Variants in DCP1B observed in about 807,000 individuals in gnomAD.
The protein encoded by DCP1B is mRNA-decapping enzyme 1B.
Under a neutral mutation model 60.5 loss-of-function variants are expected in DCP1B, and 47 were observed. The observed-to-expected ratio is 0.78, with a 90% CI of 0.61 to 0.99. DCP1B has a LOEUF of 0.99. Among genes scored for constraint, DCP1B ranks in the 50% least tolerant of loss-of-function variants. The pLI is 0.00. For missense variants in DCP1B, 725 were observed against 756.8 expected (o/e 0.96, Z 0.49); for synonymous variants, 267 against 280.3 (o/e 0.95, Z 0.47).
intron 2 of DCP1B, among the ~76,000 whole-genome samples, chr12:1,995,007 G>T (rs1272198051): frequency 6.6e-6 from 1 of 150,414 alleles, no homozygotes; most frequent in Non-Finnish European, 1.5e-5. Context: ...TTTTGCAGGG[G>T]ATAAGGGAGG....
At chr12:1,993,185 A>T in intron 3 of DCP1B, 79 bp downstream of exon 3, 1 of 1,599,234 alleles carries the variant, frequency 6.3e-7, no homozygotes. Flanking sequence ...ATGCAAACAC[A>T]ATGGCAAACA....
downstream of DCP1B, among the ~76,000 whole-genome samples, chr12:1,943,679 T>C (rs953090297): frequency 6.6e-6 from 1 of 152,106 alleles, no homozygotes; most frequent in Admixed American, 6.6e-5. Context: ...ACAGAACCAA[T>C]GACAAAAACC....
chr12:1,949,366 G>A (rs990246745), intron 7 of DCP1B, 32 bp from the exon 8 acceptor site: 1 of 1,605,208 alleles, frequency 6.2e-7, no homozygotes. Flanking sequence ...AGAGAGCGGG[G>A]TTCAGGAGCA....
At chr12:1,998,813 T>G (rs953816299) in intron 1 of DCP1B, among the ~76,000 whole-genome samples, 13 of 152,248 alleles carry the variant, frequency 8.5e-5, no homozygotes, top group Non-Finnish European at 2.9e-5. Context: ...GAATTTAAAA[T>G]GTACTTTTGC....
At chr12:1,942,046 TC>T (rs1394635180), downstream of DCP1B, among the ~76,000 whole-genome samples, 1 of 151,798 alleles carries the variant, frequency 6.6e-6, no homozygotes, top group Non-Finnish European at 1.5e-5. Flanking sequence ...AGGAGACCCA[TC>T]TCACGTGCAA....
intron 3 of DCP1B, among the ~76,000 whole-genome samples, chr12:1,985,712 T>A (rs541814660): frequency 2.0e-5 from 3 of 152,360 alleles, no homozygotes; most frequent in East Asian, 3.9e-4. Flanking sequence ...CCAGAGAATG[T>A]TCACTTTGTA....
chr12:1,958,148 A>T (rs1369978567), intron 5 of DCP1B, among the ~76,000 whole-genome samples: 2 of 112,438 alleles, frequency 1.8e-5, no homozygotes, highest in Non-Finnish European at 3.7e-5. Flanking sequence ...CTGGGCAATG[A>T]CTTTTTCTAT....
chr12:1,946,093 T>C lies in DCP1B; in HGVS notation c.*113A>G. 1 of 787,900 alleles carries C rather than the reference T, an allele frequency of 1.3e-6. No individual in the cohort carries two copies. The highest frequency in any genetic ancestry group is 1.9e-6 in the Non-Finnish European group (1 of 517,888). The allele number at this position is 787,900 out of a possible 1,614,324, so 48.8% of individuals were successfully genotyped here. A position where few individuals can be genotyped will look rare whatever the true frequency, so the allele number is the denominator to read the frequency against. The stretch of plus-strand genomic sequence containing the variant: ...GAAACATTTTACTTCATATTACACA[T>C]ACTTTTTTTTTAAAAAAGGCAGAAA... On this transcript the variant is annotated 3_prime_UTR_variant, in exon 9 of 9. Transcript: ENST00000280665.
intron 5 of DCP1B, among the ~76,000 whole-genome samples, chr12:1,957,854 CTTTACCCATATCATATATACTGAT>C: frequency 6.6e-6 from 1 of 152,370 alleles, no homozygotes; most frequent in Non-Finnish European, 1.5e-5. Flanking sequence ...ACAGACTTCA[CTTTACCCATATCATATATACTGAT>C]AGCTCAACAT....
chr12:1,979,380 T>A (rs986778382), intron 3 of DCP1B, among the ~76,000 whole-genome samples: 5 of 152,166 alleles, frequency 3.3e-5, no homozygotes, highest in Non-Finnish European at 1.5e-5. Flanking sequence ...AGTGGTGCCA[T>A]CTTGGCTCAC....
At chr12:1,972,899 C>T (rs1404067702) in intron 3 of DCP1B, among the ~76,000 whole-genome samples, 3 of 152,110 alleles carry the variant, frequency 2.0e-5, no homozygotes, top group Non-Finnish European at 2.9e-5. Context: ...CTGGTAGTGG[C>T]AGTGTTTTCA....
At chr12:1,946,862 G>A (rs1262066763) in intron 8 of DCP1B, among the ~76,000 whole-genome samples, 1 of 152,034 alleles carries the variant, frequency 6.6e-6, no homozygotes, top group African/African-American at 2.4e-5. Flanking sequence ...ACCATGCCTG[G>A]CTTTTAAGTT....
At chr12:1,970,779 C>A in intron 3 of DCP1B, 1 of 184,546 alleles carries the variant, frequency 5.4e-6, no homozygotes, top group Non-Finnish European at 1.1e-5. Context: ...CTGAGAGGCC[C>A]ATCCCTACAT....
intron 3 of DCP1B, among the ~76,000 whole-genome samples, chr12:1,984,327 C>CT (rs2037024833): frequency 6.6e-6 from 1 of 151,746 alleles, no homozygotes; most frequent in African/African-American, 2.4e-5. Context: ...TTCTTGTCTT[C>CT]TTTTGGGTTA....
chr12:1,952,364 G>C lies in DCP1B; in HGVS notation c.1524+52C>G. 4 of 1,486,932 alleles carry C rather than the reference G, an allele frequency of 2.7e-6. No homozygotes were observed. In the South Asian group the frequency reaches 4.3e-5, roughly 16 times the overall value. The allele number at this position is 1,486,932 out of a possible 1,614,324, so 92.1% of individuals were successfully genotyped here. On this transcript the variant is annotated intron_variant, in intron 7 of 8. Transcript: ENST00000280665. Reference sequence around the variant, plus strand: ...ACTTTTTTTTTTTTTTTAGGGACAGGATCTTGCTATGCTGCCCAGGCTGTT... The same window carrying C: ...ACTTTTTTTTTTTTTTTAGGGACAGCATCTTGCTATGCTGCCCAGGCTGTT...
chr12:1,970,552 T>C (rs577080575), intron 3 of DCP1B, among the ~76,000 whole-genome samples: 1 of 152,342 alleles, frequency 6.6e-6, no homozygotes, highest in Non-Finnish European at 1.5e-5. Flanking sequence ...GTGAATTCCA[T>C]GGAAGTATGC....
In DCP1B at chr12:2,000,663, C is replaced by G. The variant is rs2470442; in HGVS notation, c.151-2688G>C. Among the ~76,000 whole-genome samples the G allele has an allele frequency of 5.5e-3, 838 of 152,208 alleles. 7 individuals are homozygous for G. Among genetic ancestry groups the G allele is most frequent in the African/African-American group, 0.019 (781 of 41,532 alleles). On this transcript the variant is annotated intron_variant, in intron 1 of 8. Coordinates refer to ENST00000280665, the MANE Select transcript of DCP1B (RefSeq NM_152640.5). ...GGAGTTGTGTTTCAGTAATCACAAC[C>G]TGGGACCTGTAGTGGGGTTCTTGCC...
intron 3 of DCP1B, among the ~76,000 whole-genome samples, chr12:1,987,728 C>A (rs550384728): frequency 6.6e-6 from 1 of 152,340 alleles, no homozygotes; most frequent in South Asian, 2.1e-4. Context: ...GATACACACA[C>A]ATACAACCCC....
At chr12:1,992,766 A>G in intron 3 of DCP1B, 1 of 198,412 alleles carries the variant, frequency 5.0e-6, no homozygotes, top group East Asian at 1.2e-4. Context: ...TAATGACTGA[A>G]AGAAACTTTT....
Sources: allele counts gnomAD v4.1 joint callset (sites outside exome capture counted in the v4.1 genomes callset), GRCh38; gene constraint gnomAD v4.1.1; transcripts MANE v1.5; gene names NCBI Gene and HGNC (gene_info 2026-07-23, HGNC 2026-07-21).